FSTL5: variants seen among roughly 807,000 people sequenced by gnomAD.
FSTL5 encodes follistatin-related protein 5.
A neutral mutation model predicts 89.1 loss-of-function variants in FSTL5; 62 were observed. The ratio of observed to expected loss-of-function variants is 0.70; its 90% CI spans 0.57 to 0.86. The LOEUF (loss-of-function observed/expected upper bound fraction) is 0.86. Among genes scored for constraint, FSTL5 ranks in the 40% least tolerant of loss-of-function variants. FSTL5 has a pLI of 0.00. For missense variants in FSTL5, 1,057 were observed against 1,001.6 expected, an observed-to-expected ratio of 1.06 and a Z score of -0.75; for synonymous variants, 383 against 346.2, an observed-to-expected ratio of 1.11 and a Z score of -1.18.
intron 6 of FSTL5, among the ~76,000 whole-genome samples, chr4:161,725,560 G>GA: frequency 6.6e-6 from 1 of 151,616 alleles, no homozygotes; most frequent in African/African-American, 2.4e-5. Flanking sequence ...ACATACTTTT[G>GA]AAAAAATATA....
At chr4:161,575,659 G>T (rs13129060) in intron 8 of FSTL5, among the ~76,000 whole-genome samples, 2 of 151,768 alleles carry the variant, frequency 1.3e-5, no homozygotes, top group African/African-American at 2.4e-5. Flanking sequence ...TCACCATCTT[G>T]GCCAGGCTGG....
rs114005566 is a variant in FSTL5 at position 161,935,901 on chromosome 4, G to A, written c.161-15249C>T. Reference sequence around the variant, plus strand: ...TTCATTTTATTAAAAACAAAAGCAGGCTAGGTGAGGTGGCCCATGCCTGGA... The same window carrying A: ...TTCATTTTATTAAAAACAAAAGCAGACTAGGTGAGGTGGCCCATGCCTGGA... On this transcript the variant is annotated intron_variant, in intron 3 of 15. Coordinates refer to ENST00000306100, the MANE Select transcript of FSTL5 (RefSeq NM_020116.5). Among the ~76,000 whole-genome samples the A allele has an allele frequency of 3.6e-3, 547 of 152,270 alleles. 5 individuals are homozygous for A. Among genetic ancestry groups the A allele is most frequent in the African/African-American group, 0.013 (524 of 41,562 alleles).
chr4:162,084,902 C>T (rs1452994150), intron 2 of FSTL5, among the ~76,000 whole-genome samples: 1 of 151,882 alleles, frequency 6.6e-6, no homozygotes, highest in Non-Finnish European at 1.5e-5. Flanking sequence ...TGCATATGTA[C>T]CCCAGAACTT....
chr4:161,901,859 C>T (rs546979101), intron 4 of FSTL5, among the ~76,000 whole-genome samples: 14 of 152,166 alleles, frequency 9.2e-5, no homozygotes, highest in African/African-American at 2.4e-4. Flanking sequence ...TGCTTGAACC[C>T]GGGAGGCAGA....
At chr4:161,691,440 G>T (rs556875848) in intron 6 of FSTL5, among the ~76,000 whole-genome samples, 84 of 151,988 alleles carry the variant, frequency 5.5e-4, no homozygotes, top group African/African-American at 1.9e-3. Context: ...TTATATTTTT[G>T]CAGTTTTGAA....
chr4:162,097,322 G>A (rs1730804546), intron 2 of FSTL5, among the ~76,000 whole-genome samples: 1 of 151,522 alleles, frequency 6.6e-6, no homozygotes, highest in African/African-American at 2.4e-5. Flanking sequence ...GTATATATAT[G>A]TGTGTATACG....
intron 8 of FSTL5, among the ~76,000 whole-genome samples, chr4:161,564,810 T>C (rs114322192): frequency 2.6e-4 from 40 of 151,842 alleles, no homozygotes; most frequent in Non-Finnish European, 4.7e-4. Context: ...TCACTAGGTG[T>C]TCTGCTTGCA....
intron 6 of FSTL5, among the ~76,000 whole-genome samples, chr4:161,691,405 T>C (rs1344613633): frequency 2.0e-5 from 3 of 152,152 alleles, no homozygotes; most frequent in Non-Finnish European, 4.4e-5. Flanking sequence ...CATGCCTATC[T>C]TTCTACCCGT....
intron 7 of FSTL5, among the ~76,000 whole-genome samples, chr4:161,649,632 A>G (rs1005382145): frequency 6.6e-6 from 1 of 152,220 alleles, no homozygotes; most frequent in Non-Finnish European, 1.5e-5. Flanking sequence ...AGATGACCTT[A>G]TATAGAGTAG....
At chr4:161,495,510 A>G (rs187164505) in intron 12 of FSTL5, 4 of 152,174 alleles carry the variant, frequency 2.6e-5, no homozygotes, top group African/African-American at 4.8e-5. Context: ...AATCGTATCT[A>G]GTAAAGCTAC....
In FSTL5 at chr4:161,676,746, C is replaced by T. The variant is rs534024573; in HGVS notation, c.728-20252G>A. On this transcript the variant is annotated intron_variant, in intron 6 of 15. Transcript: ENST00000306100. ...CTTCACTATTTGGAAAATACATACA[C>T]GCACACACACACACACACACACACA... 4.3e-3 allele frequency among the ~76,000 whole-genome samples: 629 copies of T among 146,398 alleles called. 2 individuals carry two copies. The highest frequency in any genetic ancestry group is 0.015 in the African/African-American group (599 of 39,044).
intron 2 of FSTL5, among the ~76,000 whole-genome samples, chr4:162,099,971 A>G (rs1730923583): frequency 6.6e-6 from 1 of 152,178 alleles, no homozygotes; most frequent in Admixed American, 6.5e-5. Flanking sequence ...TGCCAGTGGG[A>G]ATGAAAAATT....
intron 4 of FSTL5, among the ~76,000 whole-genome samples, chr4:161,809,206 G>A (rs959514948): frequency 6.6e-6 from 1 of 152,120 alleles, no homozygotes; most frequent in Admixed American, 6.5e-5. Context: ...GCAACACAGC[G>A]AGACTCCATC....
intron 6 of FSTL5, among the ~76,000 whole-genome samples, chr4:161,758,628 C>T (rs939859841): frequency 4.6e-5 from 7 of 152,120 alleles, no homozygotes; most frequent in Admixed American, 6.5e-5. Context: ...AGTGATTCTC[C>T]GGCCTCAGCC....
At chr4:161,503,288 C>T (rs529035754) in intron 11 of FSTL5, among the ~76,000 whole-genome samples, 11 of 151,786 alleles carry the variant, frequency 7.2e-5, no homozygotes, top group East Asian at 5.8e-4. Flanking sequence ...CATTATAACA[C>T]TACTGAAAAA....
intron 15 of FSTL5, among the ~76,000 whole-genome samples, chr4:161,446,500 G>A (rs1031791008): frequency 2.0e-5 from 3 of 151,896 alleles, no homozygotes; most frequent in Non-Finnish European, 4.4e-5. Context: ...CATAAAGTAA[G>A]ATGCTATAAT....
intron 5 of FSTL5, among the ~76,000 whole-genome samples, chr4:161,766,353 C>T (rs541958401): frequency 1.1e-4 from 17 of 152,258 alleles, no homozygotes; most frequent in African/African-American, 4.1e-4. Flanking sequence ...CAAGTGAAGC[C>T]TGCTGTGCCT....
chr4:161,387,353 G>A (rs1471224688), intron 15 of FSTL5: 1 of 151,920 alleles, frequency 6.6e-6, no homozygotes. Context: ...AGTTCTAAAA[G>A]CTCATAATAA....
At chr4:161,981,881 A>C (rs546318688) in intron 3 of FSTL5, among the ~76,000 whole-genome samples, 1 of 137,180 alleles carries the variant, frequency 7.3e-6, no homozygotes, top group South Asian at 2.2e-4. Flanking sequence ...ACATTTATAC[A>C]ATAATGGTTA....
Sources: gnomAD v4.1 joint callset for allele counts (sites outside exome capture counted in the v4.1 genomes callset) on GRCh38, gnomAD v4.1.1 for gene constraint, MANE v1.5 for transcripts, NCBI Gene and HGNC (gene_info 2026-07-23, HGNC 2026-07-21) for gene names.